Variants in FSTL5 observed in about 807,000 individuals in gnomAD.
The protein encoded by FSTL5 is follistatin like 5.
In FSTL5, 62 loss-of-function variants were observed where a neutral mutation model predicts 89.1. The ratio of observed to expected loss-of-function variants is 0.70; its 90% CI spans 0.57 to 0.86. The LOEUF is 0.86. Ranked by LOEUF, FSTL5 falls within the 40% of genes least tolerant of loss-of-function variation. The probability of loss-of-function intolerance (pLI) is 0.00; values close to 1 mark genes in which losing one functional copy is unlikely to be tolerated. For synonymous variants in FSTL5, 383 were observed against 346.2 expected (o/e 1.11, Z -1.18); for missense variants, 1,057 against 1,001.6 (o/e 1.06, Z -0.75).
At chr4:162,161,871 AT>A (rs1025126968) in intron 1 of FSTL5, among the ~76,000 whole-genome samples, 1 of 152,094 alleles carries the variant, frequency 6.6e-6, no homozygotes, top group African/African-American at 2.4e-5. Flanking sequence ...TAACAAGAAC[AT>A]TTCAAAATTT....
At chr4:161,566,123 T>C (rs60717592) in intron 8 of FSTL5, among the ~76,000 whole-genome samples, 2 of 96,230 alleles carry the variant, frequency 2.1e-5, no homozygotes, top group Admixed American at 1.1e-4. Flanking sequence ...TATATATATA[T>C]ATATATATAT....
intron 8 of FSTL5, among the ~76,000 whole-genome samples, chr4:161,584,717 T>C (rs752342357): frequency 9.8e-5 from 15 of 152,322 alleles, no homozygotes; most frequent in Non-Finnish European, 1.9e-4. Flanking sequence ...GGTTAATAAT[T>C]GCACACAAGT....
intron 15 of FSTL5, among the ~76,000 whole-genome samples, chr4:161,416,516 A>C (rs1731785907): frequency 6.6e-6 from 1 of 152,112 alleles, no homozygotes. Flanking sequence ...ATCCACCAGC[A>C]CATTTTTCTG....
intron 3 of FSTL5, among the ~76,000 whole-genome samples, chr4:162,000,614 A>C (rs574143138): frequency 5.3e-5 from 8 of 151,872 alleles, no homozygotes; most frequent in East Asian, 1.9e-4. Flanking sequence ...AAAAAAACAA[A>C]AACAACAACA....
rs759802638 is a variant in FSTL5 at position 161,455,174 on chromosome 4, C to G, written c.1717-46G>C. 1.3e-5 allele frequency: 19 copies of G among 1,485,998 alleles called. No individual in the cohort carries two copies. In the East Asian group the frequency reaches 4.6e-4, roughly 36 times the overall value. The allele number at this position is 1,485,998 out of a possible 1,614,324, so 92.1% of individuals were successfully genotyped here. On this transcript the variant is annotated intron_variant, in intron 14 of 15. Transcript: ENST00000306100. ...TTAGACCTCAACAATGCAGTCACTT[C>G]ATAGTATAAGCTTTAATTTTATTTA...
intron 6 of FSTL5, among the ~76,000 whole-genome samples, chr4:161,730,769 G>A (rs1042722297): frequency 2.0e-5 from 3 of 152,128 alleles, no homozygotes; most frequent in Non-Finnish European, 2.9e-5. Flanking sequence ...GCTTGCAACT[G>A]AATATTTAAA....
At chr4:161,529,018 A>G (rs28376709) in intron 10 of FSTL5, among the ~76,000 whole-genome samples, 4,435 of 143,276 alleles carry the variant, frequency 0.031, 605 homozygotes, top group African/African-American at 0.1. Flanking sequence ...TGTAATATGA[A>G]TTAGGAGGTT....
chr4:161,818,867 T>G (rs1730410382), intron 4 of FSTL5, among the ~76,000 whole-genome samples: 1 of 152,194 alleles, frequency 6.6e-6, no homozygotes, highest in Non-Finnish European at 1.5e-5. Flanking sequence ...TTGCATTTTA[T>G]TTTTCTGAAT....
intron 3 of FSTL5, among the ~76,000 whole-genome samples, chr4:161,961,229 T>A (rs1202876827): frequency 1.3e-5 from 2 of 151,984 alleles, no homozygotes; most frequent in African/African-American, 4.8e-5. Context: ...CACTCCAGTC[T>A]CCCTAGTAGC....
chr4:161,825,205 G>C (rs1465840896), intron 4 of FSTL5, among the ~76,000 whole-genome samples: 5 of 152,100 alleles, frequency 3.3e-5, no homozygotes, highest in African/African-American at 9.7e-5. Context: ...TATTGATTGT[G>C]TATGTGAAAC....
At chr4:161,447,838 G>T (rs978311080) in intron 15 of FSTL5, among the ~76,000 whole-genome samples, 26 of 152,064 alleles carry the variant, frequency 1.7e-4, no homozygotes, top group African/African-American at 6.3e-4. Flanking sequence ...GCTAACAATG[G>T]TTTGCACATA....
chr4:161,597,069 C>A (rs1467818926), intron 7 of FSTL5, among the ~76,000 whole-genome samples: 1 of 152,036 alleles, frequency 6.6e-6, no homozygotes, highest in African/African-American at 2.4e-5. Flanking sequence ...CTTTTGTTGC[C>A]ATTGCTTTTG....
intron 6 of FSTL5, among the ~76,000 whole-genome samples, chr4:161,745,142 T>C (rs1180021152): frequency 1.3e-5 from 2 of 152,066 alleles, no homozygotes; most frequent in African/African-American, 4.8e-5. Context: ...CAATCTTGAT[T>C]GAAGCTGATA....
intron 2 of FSTL5, among the ~76,000 whole-genome samples, chr4:162,106,623 T>G (rs1305800279): frequency 6.6e-6 from 1 of 151,856 alleles, no homozygotes; most frequent in African/African-American, 2.4e-5. Flanking sequence ...GAAATGAGAA[T>G]AAGAAAAGGC....
At chr4:161,750,573 A>C (rs984297705) in intron 6 of FSTL5, among the ~76,000 whole-genome samples, 3 of 152,112 alleles carry the variant, frequency 2.0e-5, no homozygotes, top group African/African-American at 7.2e-5. Context: ...ATTATGTTTC[A>C]TTAGACAGTG....
intron 1 of FSTL5, among the ~76,000 whole-genome samples, chr4:162,161,485 A>G (rs1733693656): frequency 6.6e-6 from 1 of 151,986 alleles, no homozygotes; most frequent in Non-Finnish European, 1.5e-5. Flanking sequence ...AATGTTTTAC[A>G]TTTGCAATCT....
intron 4 of FSTL5, among the ~76,000 whole-genome samples, chr4:161,779,782 TATATATATATA>T (rs1560840832): frequency 2.0e-4 from 8 of 39,392 alleles, no homozygotes; most frequent in Non-Finnish European, 3.1e-4. Context: ...TATGTATATA[TATATATATATA>T]TATATATATA....
At chr4:161,727,164 T>C (rs1739453861) in intron 6 of FSTL5, among the ~76,000 whole-genome samples, 1 of 152,170 alleles carries the variant, frequency 6.6e-6, no homozygotes, top group Non-Finnish European at 1.5e-5. Context: ...TGGCTGAACA[T>C]TTACCCAGGT....
At chr4:161,705,815 T>C (rs1000700244) in intron 6 of FSTL5, among the ~76,000 whole-genome samples, 3 of 150,088 alleles carry the variant, frequency 2.0e-5, no homozygotes, top group Non-Finnish European at 4.4e-5. Flanking sequence ...GATTTTATTG[T>C]AATATAGGTA....
Sources: allele counts gnomAD v4.1 joint callset (sites outside exome capture counted in the v4.1 genomes callset), GRCh38; gene constraint gnomAD v4.1.1; transcripts MANE v1.5; gene names NCBI Gene and HGNC (gene_info 2026-07-23, HGNC 2026-07-21).